Variants in ZNF469 observed in about 807,000 individuals in gnomAD.
The protein encoded by ZNF469 is zinc finger protein 469.
Under a neutral mutation model 1.0 loss-of-function variants are expected in ZNF469, and 1 was observed. The ratio of observed to expected loss-of-function variants is 1.00; its 90% CI spans 0.35 to 4.73. The LOEUF (loss-of-function observed/expected upper bound fraction) is 4.73, where lower values mean the gene tolerates loss of function less well. Ranked by LOEUF, ZNF469 falls within the 30% of genes most tolerant of loss-of-function variation. The pLI, the probability that ZNF469 is intolerant of heterozygous loss-of-function variation, is 0.16. For synonymous variants in ZNF469, 2,703 were observed against 2,363.4 expected (o/e 1.14, Z -4.17); for missense variants, 6,100 against 5,356.3 (o/e 1.14, Z -4.33).
the ZNF469 span, among the ~76,000 whole-genome samples, chr16:88,213,917 A>G: frequency 1.0e-3 from 159 of 152,174 alleles, no homozygotes; most frequent in Middle Eastern, 3.4e-3. Flanking sequence ...TTGTTTTCCT[A>G]TTTGCAGATC....
the ZNF469 span, among the ~76,000 whole-genome samples, chr16:88,348,587 TC>T: frequency 6.6e-6 from 1 of 151,216 alleles, no homozygotes; most frequent in Non-Finnish European, 1.5e-5. Context: ...GGAGTGGGGG[TC>T]CAACAGTGTC....
At position 88,430,349 on chromosome 16, in the gene ZNF469, C is replaced by CT; in HGVS notation, c.2879_2880insT (p.Gly962ArgfsTer37). ...AAGCTGTTCCGGAAGGATCTGGACTCGGGCGGCGCAGCAGAGGGGTCGGGG... is the reference window on the plus strand; with the variant it reads ...AAGCTGTTCCGGAAGGATCTGGACTCTGGGCGGCGCAGCAGAGGGGTCGGGG... On this transcript the variant is annotated frameshift_variant, in exon 3 of 3. Coordinates refer to ENST00000565624, the MANE Select transcript of ZNF469 (RefSeq NM_001367624.2). LOFTEE classifies it low-confidence loss of function (END_TRUNC). 6.6e-7 allele frequency: 1 copy of CT among 1,513,158 alleles called. No homozygotes were observed. Among genetic ancestry groups the CT allele is most frequent in the Non-Finnish European group, 8.8e-7 (1 of 1,135,304 alleles). The allele number at this position is 1,513,158 out of a possible 1,614,324, so 93.7% of individuals were successfully genotyped here.
At chr16:88,333,838 G>C in the ZNF469 span, among the ~76,000 whole-genome samples, 1 of 149,444 alleles carries the variant, frequency 6.7e-6, no homozygotes, top group African/African-American at 2.4e-5. Context: ...GTGGCAGGGG[G>C]TGGGGGGGAC....
At chr16:88,322,547 A>G in the ZNF469 span, among the ~76,000 whole-genome samples, 8 of 152,186 alleles carry the variant, frequency 5.3e-5, no homozygotes, top group Non-Finnish European at 1.2e-4. Context: ...AGATGGCGGG[A>G]GCTACGGCAA....
In ZNF469 at chr16:88,430,561, C is replaced by T. The variant is rs773036378; in HGVS notation, c.3091C>T (p.Pro1031Ser). The T allele has an allele frequency of 4.1e-6, 6 of 1,472,578 alleles. 1 individual carries two copies. Among genetic ancestry groups the T allele is most frequent in the South Asian group, 2.6e-5 (2 of 76,116 alleles). The allele number at this position is 1,472,578 out of a possible 1,614,324, so 91.2% of individuals were successfully genotyped here. ...CCGCAGCTCCCGGCGCCGCCGGCTG[C>T]CCCCCAGGAAGGACCCCAGGAAGAG... is the stretch of plus-strand genomic sequence containing the variant. ...ETRSSRRRRL[P>S]PRKDPRKRKA... is the part of the protein sequence containing the mutation. The change falls in exon 3 of 3, where the codon CCC becomes TCC. Residue 1031 changes from proline to serine, a missense_variant. Pro to Ser is a moderately conservative substitution (Grantham distance 74, BLOSUM62 -1). Transcript: ENST00000565624.
chr16:88,324,917 C>G, the ZNF469 span, among the ~76,000 whole-genome samples: 1 of 152,076 alleles, frequency 6.6e-6, no homozygotes, highest in African/African-American at 2.4e-5. Context: ...GTTCTGTAGG[C>G]CGTACAGGAA....
the ZNF469 span, among the ~76,000 whole-genome samples, chr16:88,179,619 A>G: frequency 6.6e-6 from 1 of 152,224 alleles, no homozygotes; most frequent in Non-Finnish European, 1.5e-5. Context: ...GCTGAGTCAG[A>G]AACTCCAGCA....
the ZNF469 span, among the ~76,000 whole-genome samples, chr16:88,209,431 C>G: frequency 7.0e-4 from 107 of 152,086 alleles, 1 homozygote; most frequent in East Asian, 0.02. Flanking sequence ...GCTGGGACTA[C>G]AGGTACCCGC....
At chr16:88,327,464 T>C in the ZNF469 span, among the ~76,000 whole-genome samples, 79,161 of 151,990 alleles carry the variant, frequency 0.52, 21,153 homozygotes, top group Middle Eastern at 0.66. Flanking sequence ...GGCGTAAGCA[T>C]GGTGTGGGTG....
chr16:88,170,373 C>G, the ZNF469 span, among the ~76,000 whole-genome samples: 1 of 152,342 alleles, frequency 6.6e-6, no homozygotes, highest in South Asian at 2.1e-4. This position sits in a 1 kb window ranked among gnomAD's most constrained non-coding sequence, Gnocchi z 4.2. Flanking sequence ...AGGCTGTGCA[C>G]TAGATCCCCA....
the ZNF469 span, among the ~76,000 whole-genome samples, chr16:88,113,138 C>G: frequency 2.6e-5 from 4 of 152,172 alleles, no homozygotes; most frequent in African/African-American, 4.8e-5. Flanking sequence ...CCTTGGTTGC[C>G]TGTGCGTGGG....
chr16:88,252,834 A>G, the ZNF469 span, among the ~76,000 whole-genome samples: 1 of 152,066 alleles, frequency 6.6e-6, no homozygotes, highest in Non-Finnish European at 1.5e-5. Context: ...TTCACCCCAG[A>G]AATTTCTCTC....
the ZNF469 span, among the ~76,000 whole-genome samples, chr16:88,310,350 A>C: frequency 7.9e-5 from 12 of 152,082 alleles, no homozygotes; most frequent in African/African-American, 2.9e-4. Context: ...CCCACTGCTT[A>C]AATTTTAGGG....
chr16:88,300,852 G>A, the ZNF469 span, among the ~76,000 whole-genome samples: 4 of 152,138 alleles, frequency 2.6e-5, no homozygotes, highest in Non-Finnish European at 4.4e-5. Context: ...ATCACCTGAG[G>A]TCAGGAGTTG....
At chr16:88,110,891 G>T in the ZNF469 span, among the ~76,000 whole-genome samples, 1 of 152,248 alleles carries the variant, frequency 6.6e-6, no homozygotes, top group East Asian at 1.9e-4. Context: ...GGGCTCTGTG[G>T]GGCCTCGGGA....
chr16:88,391,411 G>A (rs1904488415), intron 1 of ZNF469, among the ~76,000 whole-genome samples: 1 of 152,266 alleles, frequency 6.6e-6, no homozygotes, highest in Non-Finnish European at 1.5e-5. Context: ...ACAGGCTCAA[G>A]TCTGATCCTG....
chr16:88,323,459 T>A, the ZNF469 span, among the ~76,000 whole-genome samples: 29 of 152,200 alleles, frequency 1.9e-4, no homozygotes, highest in Non-Finnish European at 3.2e-4. Context: ...TTTGATCACT[T>A]CTGACATCAC....
At position 88,432,568 on chromosome 16, in the gene ZNF469, G is replaced by A. The variant is rs1906275034; in HGVS notation, c.5098G>A (p.Ala1700Thr). The change falls in exon 3 of 3, where the codon GCC becomes ACC. Residue 1700 changes from alanine (A) to threonine (T), a missense_variant. Physicochemically the swap from Ala to Thr is moderately conservative, Grantham distance 58 (BLOSUM62 0). Coordinates refer to ENST00000565624, the MANE Select transcript of ZNF469 (RefSeq NM_001367624.2). ...CTTCCATTTTCAGCCAGTGCAGAAAGCCGGAGCCTCCAAGACTGGACTTTG... is the reference window on the plus strand; with the variant it reads ...CTTCCATTTTCAGCCAGTGCAGAAAACCGGAGCCTCCAAGACTGGACTTTG... ...ANFHFQPVQKAGASKTGLCQA... is the reference protein window; with the variant it reads ...ANFHFQPVQKTGASKTGLCQA... 6.4e-7 allele frequency: 1 copy of A among 1,550,430 alleles called. No individual in the cohort carries two copies. The highest frequency in any genetic ancestry group is 2.0e-5 in the Admixed American group (1 of 51,016).
At chr16:88,239,689 A>G in the ZNF469 span, among the ~76,000 whole-genome samples, 23 of 8,798 alleles carry the variant, frequency 2.6e-3, 2 homozygotes, top group Non-Finnish European at 6.3e-3. Context: ...ATATATATAT[A>G]TATATATATA....
Sources: gnomAD v4.1 joint callset for allele counts (sites outside exome capture counted in the v4.1 genomes callset) on GRCh38, gnomAD v4.1.1 for gene constraint, Gnocchi (gnomAD v3.1) non-coding constraint, MANE v1.5 for transcripts, NCBI Gene and HGNC (gene_info 2026-07-23, HGNC 2026-07-21) for gene names.